The following RBM20 variants were observed in gnomAD, a reference collection of about 807,000 sequenced individuals.
RBM20 encodes RNA-binding protein 20.
In RBM20, 51 loss-of-function variants were observed where a neutral mutation model predicts 110.1. The ratio of observed to expected loss-of-function variants is 0.46; its 90% CI spans 0.37 to 0.59. RBM20 has a LOEUF of 0.59. Ranked by LOEUF, RBM20 falls within the 20% of genes least tolerant of loss-of-function variation. RBM20 has a pLI of 0.00. For missense variants in RBM20, 1,512 were observed against 1,574.9 expected, an observed-to-expected ratio of 0.96 and a Z score of 0.68; for synonymous variants, 589 against 618.2, an observed-to-expected ratio of 0.95 and a Z score of 0.70.
At chr10:110,820,624 A>G (rs750201679) in intron 10 of RBM20, among the ~76,000 whole-genome samples, 2 of 152,346 alleles carry the variant, frequency 1.3e-5, no homozygotes, top group Non-Finnish European at 2.9e-5. Flanking sequence ...TTAAAATGAA[A>G]AAATCCAGTT....
In RBM20 at chr10:110,719,753, A is replaced by G. The variant is rs201821652; in HGVS notation, c.192-61048A>G. ...GTTAGAGATTTCATCCAGTATTGTC[A>G]TCTTTGTCTTAGTTTCTTCATCTGT... On this transcript the variant is annotated intron_variant, in intron 1 of 13. Coordinates refer to ENST00000369519, the MANE Select transcript of RBM20 (RefSeq NM_001134363.3). Among the ~76,000 whole-genome samples the G allele has an allele frequency of 4.6e-5, 7 of 152,114 alleles. No homozygotes were observed. In the East Asian group the frequency reaches 1.4e-3, roughly 29 times the overall value.
chr10:110,718,733 T>G (rs1398368944), intron 1 of RBM20, among the ~76,000 whole-genome samples: 4 of 151,580 alleles, frequency 2.6e-5, no homozygotes, highest in African/African-American at 7.3e-5. Flanking sequence ...TGCCTCAGCT[T>G]CCCAAGTAGC....
At chr10:110,661,965 C>T (rs758904453) in intron 1 of RBM20, among the ~76,000 whole-genome samples, 2 of 151,392 alleles carry the variant, frequency 1.3e-5, no homozygotes, top group African/African-American at 2.4e-5. Context: ...GAGCTGAGAT[C>T]ATGCCATTGC....
At chr10:110,711,787 C>T (rs1862933877) in intron 1 of RBM20, among the ~76,000 whole-genome samples, 1 of 152,224 alleles carries the variant, frequency 6.6e-6, no homozygotes, top group African/African-American at 2.4e-5. Flanking sequence ...GCGTACAATG[C>T]TAGGTACTAG....
In RBM20 at chr10:110,817,689, G is replaced by T. The variant is rs148608757; in HGVS notation, c.2551-2383G>T. Among the ~76,000 whole-genome samples, 432 of 152,338 alleles carry T rather than the reference G, an allele frequency of 2.8e-3. 2 individuals carry two copies. Among genetic ancestry groups the T allele is most frequent in the African/African-American group, 0.01 (420 of 41,572 alleles). On this transcript the variant is annotated intron_variant, in intron 9 of 13. Coordinates refer to ENST00000369519, the MANE Select transcript of RBM20 (RefSeq NM_001134363.3). The stretch of plus-strand genomic sequence containing the variant: ...GATGAAGGTACGCAATGCTGTGAGT[G>T]CCTGTGATAAATCTGAGCCTTCTCA...
chr10:110,812,768 C>CG lies in RBM20; in HGVS notation c.2374dup (p.Glu792GlyfsTer9). 6.4e-7 allele frequency: 1 copy of CG among 1,551,632 alleles called. No individual in the cohort carries two copies. The highest frequency in any genetic ancestry group is 8.7e-7 in the Non-Finnish European group (1 of 1,146,972). Reference sequence around the variant, plus strand: ...CAGGAGGAAAGACGAGGCCAGGCTGCGGGAAAGCAGACACCCCCATCCGGA... The same window carrying CG: ...CAGGAGGAAAGACGAGGCCAGGCTGCGGGGAAAGCAGACACCCCCATCCGGA... On this transcript the variant is annotated frameshift_variant, in exon 9 of 14. Coordinates refer to ENST00000369519, the MANE Select transcript of RBM20 (RefSeq NM_001134363.3). LOFTEE classifies it high-confidence loss of function.
At chr10:110,765,767 A>AT (rs952540891) in intron 1 of RBM20, among the ~76,000 whole-genome samples, 155 of 150,618 alleles carry the variant, frequency 1.0e-3, no homozygotes, top group African/African-American at 3.3e-3. Context: ...TATCACGGAG[A>AT]TTTTTTTTTT....
chr10:110,713,837 C>T (rs2134917727), intron 1 of RBM20, among the ~76,000 whole-genome samples: 1 of 152,290 alleles, frequency 6.6e-6, no homozygotes, highest in African/African-American at 2.4e-5. Flanking sequence ...GAACCACAAT[C>T]CCGGGCTCCT....
intron 1 of RBM20, among the ~76,000 whole-genome samples, chr10:110,681,357 T>C (rs1268359813): frequency 6.6e-6 from 1 of 152,236 alleles, no homozygotes; most frequent in Non-Finnish European, 1.5e-5. Context: ...ACAAGAGAGA[T>C]TTAGATGTCT....
chr10:110,717,274 CATTCTTTCCTATTCTTTAGAAGT>C (rs1472192791), intron 1 of RBM20, among the ~76,000 whole-genome samples: 1 of 152,202 alleles, frequency 6.6e-6, no homozygotes, highest in Non-Finnish European at 1.5e-5. Context: ...ACTACACCCT[CATTCTTTCCTATTCTTTAGAAGT>C]ACTGTTGGGA....
chr10:110,697,901 CTTTTTTTTTTTCT>C (rs1464346925), intron 1 of RBM20, among the ~76,000 whole-genome samples: 9 of 127,518 alleles, frequency 7.1e-5, no homozygotes, highest in African/African-American at 1.4e-4. Context: ...GGCCTTGTTT[CTTTTTTTTTTTCT>C]TTTTTTTTTT....
At chr10:110,797,752 G>T in intron 6 of RBM20, 104 bp downstream of exon 6, 2 of 1,245,062 alleles carry the variant, frequency 1.6e-6, no homozygotes, top group East Asian at 5.1e-5. Flanking sequence ...ATAAAGAGGC[G>T]ATGCCGTAGC....
chr10:110,679,554 T>C lies in RBM20; in HGVS notation c.191+34909T>C, dbSNP rs75359600. On this transcript the variant is annotated intron_variant, in intron 1 of 13. Coordinates refer to ENST00000369519, the MANE Select transcript of RBM20 (RefSeq NM_001134363.3). ...TTAATAATTATCATAGTTCCTGTTATTGCAGTTCTTAAGCTGGGCACATCA... is the reference window on the plus strand; with the variant it reads ...TTAATAATTATCATAGTTCCTGTTACTGCAGTTCTTAAGCTGGGCACATCA... Among the ~76,000 whole-genome samples the C allele has an allele frequency of 2.1e-4, 32 of 152,372 alleles. No homozygotes were observed. The East Asian group carries it at 3.3e-3, about 16-fold the overall frequency.
chr10:110,693,451 C>T lies in RBM20; in HGVS notation c.191+48806C>T, dbSNP rs536287118. ...TTCAATCTCCTTATTTGTTATCGGT[C>T]TTTTCATATTTTCTACTTCTTCATG... On this transcript the variant is annotated intron_variant, in intron 1 of 13. Coordinates refer to ENST00000369519, the MANE Select transcript of RBM20 (RefSeq NM_001134363.3). 2.1e-4 allele frequency among the ~76,000 whole-genome samples: 32 copies of T among 152,228 alleles called. No individual in the cohort carries two copies. The East Asian group carries it at 5.6e-3, about 27-fold the overall frequency.
chr10:110,792,137 A>ATCTG (rs757195794), intron 5 of RBM20, among the ~76,000 whole-genome samples: 2,530 of 128,228 alleles, frequency 0.02, 39 homozygotes, highest in African/African-American at 0.041. Flanking sequence ...ATCTTCCTCT[A>ATCTG]TCTGTCTATC....
chr10:110,699,113 CTGCGCCA>C (rs781154719), intron 1 of RBM20, among the ~76,000 whole-genome samples: 7 of 152,146 alleles, frequency 4.6e-5, no homozygotes, highest in Non-Finnish European at 1.0e-4. Context: ...GTTCACACGT[CTGCGCCA>C]TGTTAGACGG....
rs1590710977 is a variant in RBM20 at position 110,836,238 on chromosome 10, A to G, written c.*260A>G. 1 of 292,794 alleles carries G rather than the reference A, an allele frequency of 3.4e-6. No individual in the cohort carries two copies. Among genetic ancestry groups the G allele is most frequent in the Middle Eastern group, 9.4e-4 (1 of 1,068 alleles). 18.1% of individuals were successfully genotyped at this position (292,794 alleles called of 1,614,324 possible). ...GACTCTTGTTTCTCTCAATCTTTCA[A>G]TTCGTTTTTCTCTCTTTTCCTCTTG... On this transcript the variant is annotated 3_prime_UTR_variant, in exon 14 of 14. Transcript: ENST00000369519.
At chr10:110,704,088 G>A (rs1862798906) in intron 1 of RBM20, among the ~76,000 whole-genome samples, 1 of 152,034 alleles carries the variant, frequency 6.6e-6, no homozygotes, top group Non-Finnish European at 1.5e-5. Context: ...CTCCAGCCTG[G>A]GCAACAAAGC....
intron 12 of RBM20, among the ~76,000 whole-genome samples, chr10:110,829,398 G>T (rs1306448587): frequency 6.6e-6 from 1 of 152,166 alleles, no homozygotes; most frequent in Non-Finnish European, 1.5e-5. Flanking sequence ...CCGGGCACCT[G>T]GGCCTGAGTG....
Sources: gnomAD v4.1 joint callset for allele counts (sites outside exome capture counted in the v4.1 genomes callset) on GRCh38, gnomAD v4.1.1 for gene constraint, MANE v1.5 for transcripts, NCBI Gene and HGNC (gene_info 2026-07-23, HGNC 2026-07-21) for gene names.